The following IQCM variants were observed in gnomAD, a reference collection of about 807,000 sequenced individuals.
The protein encoded by IQCM is IQ domain-containing protein M.
In IQCM, 45 loss-of-function variants were observed where a neutral mutation model predicts 57.6. The observed-to-expected ratio is 0.78, with a 90% CI of 0.62 to 1.00. The LOEUF (loss-of-function observed/expected upper bound fraction) is 1.00, where lower values mean the gene tolerates loss of function less well. Among genes scored for constraint, IQCM ranks in the 50% least tolerant of loss-of-function variants. The pLI is 0.00. For missense variants in IQCM, 468 were observed against 511.6 expected, an observed-to-expected ratio of 0.91 and a Z score of 0.82; for synonymous variants, 148 against 158.9, an observed-to-expected ratio of 0.93 and a Z score of 0.51.
intron 2 of IQCM, among the ~76,000 whole-genome samples, chr4:149,803,191 C>A (rs145759328): frequency 6.6e-6 from 1 of 151,810 alleles, no homozygotes; most frequent in Non-Finnish European, 1.5e-5. Flanking sequence ...AGACATAGAT[C>A]GTGTTCAAGA....
intron 13 of IQCM, among the ~76,000 whole-genome samples, chr4:149,388,874 A>G (rs1731640631): frequency 6.6e-6 from 1 of 150,736 alleles, no homozygotes; most frequent in Admixed American, 6.7e-5. Flanking sequence ...TTATATATTG[A>G]ACACAAGGCC....
intron 8 of IQCM, among the ~76,000 whole-genome samples, chr4:149,590,568 A>G (rs1391596455): frequency 6.6e-6 from 1 of 151,942 alleles, no homozygotes; most frequent in Non-Finnish European, 1.5e-5. Flanking sequence ...CATCATCTGC[A>G]TTAGGTTTTT....
rs189598241 is a variant in IQCM, at chr4:149,606,899, A to G, written c.681+14230T>C. ...GAGAAAAAAATACAATGAAGCACAC[A>G]TACAACATCTAGCAAATAGTCTCAA... On this transcript the variant is annotated intron_variant, in intron 8 of 13. Transcript: ENST00000636793. 3.2e-3 allele frequency among the ~76,000 whole-genome samples: 483 copies of G among 152,246 alleles called. 2 individuals are homozygous for G. Among genetic ancestry groups the G allele is most frequent in the Non-Finnish European group, 4.7e-3 (321 of 68,004 alleles).
At chr4:149,633,306 C>T (rs1198369497) in intron 7 of IQCM, among the ~76,000 whole-genome samples, 3 of 151,344 alleles carry the variant, frequency 2.0e-5, no homozygotes, top group Non-Finnish European at 4.4e-5. Context: ...TAGCCAAATT[C>T]TACCTATCCT....
At chr4:149,440,581 C>T (rs1289459163) in intron 12 of IQCM, among the ~76,000 whole-genome samples, 2 of 152,070 alleles carry the variant, frequency 1.3e-5, no homozygotes. Context: ...TACATTAGCC[C>T]TGACATGCAA....
chr4:149,450,774 G>A, intron 12 of IQCM, among the ~76,000 whole-genome samples: 1 of 151,848 alleles, frequency 6.6e-6, no homozygotes, highest in East Asian at 1.9e-4. Context: ...ATGTAAATTA[G>A]TACAACCACT....
intron 8 of IQCM, among the ~76,000 whole-genome samples, chr4:149,594,771 T>C (rs1421630688): frequency 6.6e-6 from 1 of 152,142 alleles, no homozygotes; most frequent in Non-Finnish European, 1.5e-5. Context: ...CGGTTTTGAG[T>C]GAGTTTCTTA....
At chr4:149,586,362 G>C (rs888264484) in intron 9 of IQCM, among the ~76,000 whole-genome samples, 1 of 151,428 alleles carries the variant, frequency 6.6e-6, no homozygotes, top group African/African-American at 2.4e-5. Flanking sequence ...CAAAAAACTA[G>C]ACTACTTCCT....
At chr4:149,475,619 G>T (rs950954900) in intron 12 of IQCM, among the ~76,000 whole-genome samples, 1 of 152,064 alleles carries the variant, frequency 6.6e-6, no homozygotes, top group Admixed American at 6.6e-5. Flanking sequence ...GAGGCTTGGG[G>T]TCTTGTAGCA....
At chr4:149,718,442 T>C (rs934813769) in intron 5 of IQCM, among the ~76,000 whole-genome samples, 1 of 152,190 alleles carries the variant, frequency 6.6e-6, no homozygotes, top group African/African-American at 2.4e-5. Context: ...GCTGAATAAA[T>C]ACATGAATGA....
Position 149,649,729 on chromosome 4 carries a change from C to T in IQCM, c.566-28485G>A, listed in dbSNP as rs148810067. On this transcript the variant is annotated intron_variant, in intron 7 of 13. Coordinates refer to ENST00000636793, the MANE Select transcript of IQCM (RefSeq NM_001363507.2). ...CTCCATTTCTTTGACTGCATGGTAA[C>T]AACTTTTAAAGACTTACTAAGTATT... Among the ~76,000 whole-genome samples, 31 of 152,142 alleles carry T rather than the reference C, an allele frequency of 2.0e-4. No homozygotes were observed. In the South Asian group the frequency reaches 2.7e-3, roughly 13 times the overall value.
chr4:149,505,780 G>A (rs1021276672), intron 12 of IQCM, among the ~76,000 whole-genome samples: 4 of 151,836 alleles, frequency 2.6e-5, no homozygotes, highest in African/African-American at 9.7e-5. Context: ...TCTCTATCTA[G>A]AAAATCAATA....
In IQCM at chr4:149,654,312, G is replaced by C. The variant is rs149869934; in HGVS notation, c.565+27806C>G. On this transcript the variant is annotated intron_variant, in intron 7 of 13. Coordinates refer to ENST00000636793, the MANE Select transcript of IQCM (RefSeq NM_001363507.2). ...ATCCCCATTGTTGGAGATGGGGTGT[G>C]GTAGGAGGTGTTTGGGCCATGGGGG... is the stretch of plus-strand genomic sequence containing the variant. 1.7e-3 allele frequency among the ~76,000 whole-genome samples: 259 copies of C among 152,222 alleles called. 1 individual carries two copies. Among genetic ancestry groups the C allele is most frequent in the Non-Finnish European group, 2.9e-3 (196 of 68,018 alleles).
rs1743202238 is a variant in IQCM, at chr4:149,501,145, T to G, written c.1228+47310A>C. The stretch of plus-strand genomic sequence containing the variant: ...GTGACTTTCCTTTGCCCTTCCTGAT[T>G]GCTTCTGCATTTCCAACTAATCTCA... On this transcript the variant is annotated intron_variant, in intron 12 of 13. Transcript: ENST00000636793. Among the ~76,000 whole-genome samples the G allele has an allele frequency of 2.0e-5, 3 of 152,342 alleles. No homozygotes were observed. The South Asian group carries it at 6.2e-4, about 32-fold the overall frequency.
At chr4:149,603,833 T>G (rs1754534854) in intron 8 of IQCM, among the ~76,000 whole-genome samples, 1 of 152,086 alleles carries the variant, frequency 6.6e-6, no homozygotes. Flanking sequence ...AATTCAGCAT[T>G]TTTACCCTTT....
At chr4:149,468,069 C>T (rs1023819769) in intron 12 of IQCM, among the ~76,000 whole-genome samples, 6 of 152,246 alleles carry the variant, frequency 3.9e-5, no homozygotes, top group African/African-American at 4.8e-5. Flanking sequence ...CAGCTCCCAG[C>T]GTGAGTGACG....
chr4:149,521,626 C>A (rs1745655333), intron 12 of IQCM, among the ~76,000 whole-genome samples: 2 of 152,190 alleles, frequency 1.3e-5, no homozygotes, highest in South Asian at 2.1e-4. Flanking sequence ...CAAGCTTTCT[C>A]CAAAGCATAA....
intron 12 of IQCM, among the ~76,000 whole-genome samples, chr4:149,461,375 C>T (rs1190917420): frequency 1.3e-5 from 2 of 152,068 alleles, no homozygotes; most frequent in African/African-American, 4.8e-5. Flanking sequence ...AATTATTTCC[C>T]CTTTATAGGA....
intron 7 of IQCM, among the ~76,000 whole-genome samples, chr4:149,652,693 A>T (rs763192752): frequency 6.6e-6 from 1 of 152,110 alleles, no homozygotes. Context: ...AATAGGATTG[A>T]TAGATGTGAA....
Sources: allele counts gnomAD v4.1 joint callset (sites outside exome capture counted in the v4.1 genomes callset), GRCh38; gene constraint gnomAD v4.1.1; transcripts MANE v1.5; gene names NCBI Gene and HGNC (gene_info 2026-07-23, HGNC 2026-07-21).